SLC25A39: variants seen among roughly 807,000 people sequenced by gnomAD.
The protein encoded by SLC25A39 is mitochondrial glutathione transporter SLC25A39.
Under a neutral mutation model 46.6 loss-of-function variants are expected in SLC25A39, and 44 were observed. The ratio of observed to expected loss-of-function variants is 0.94; its 90% CI spans 0.74 to 1.21. The LOEUF (loss-of-function observed/expected upper bound fraction) is 1.21. SLC25A39 is among the 50% of genes most tolerant of loss of function. The pLI is 0.00. For synonymous variants in SLC25A39, 218 were observed against 190.6 expected, an observed-to-expected ratio of 1.14 and a Z score of -1.19; for missense variants, 487 against 473.0, an observed-to-expected ratio of 1.03 and a Z score of -0.28.
In SLC25A39 at chr17:44,319,902, GC is replaced by G. The variant is rs2047960460; in HGVS notation, c.*98del. 2 of 1,161,826 alleles carry G rather than the reference GC, an allele frequency of 1.7e-6. No homozygotes were observed. 72.0% of individuals were successfully genotyped at this position (1,161,826 alleles called of 1,614,324 possible). A position where few individuals can be genotyped will look rare whatever the true frequency, so the allele number is the denominator to read the frequency against. On this transcript the variant is annotated 3_prime_UTR_variant, in exon 12 of 12. Coordinates refer to ENST00000377095, the MANE Select transcript of SLC25A39 (RefSeq NM_001143780.3). ...TGTCGCCGGGAGGGAAGGGAAACAA[GC>G]CCCCTCCCTCAGTGCTGAGGAAAAG...
rs1022004226 is a variant in SLC25A39 at position 44,321,033 on chromosome 17, C to G, written c.691+25G>C. 4 of 1,561,452 alleles carry G rather than the reference C, an allele frequency of 2.6e-6. No individual in the cohort carries two copies. In the African/African-American group the frequency reaches 5.5e-5, roughly 21 times the overall value. On this transcript the variant is annotated intron_variant, in intron 8 of 11. Coordinates refer to ENST00000377095, the MANE Select transcript of SLC25A39 (RefSeq NM_001143780.3). ...TGCATCACCCCAGGGTTCCCTCACC[C>G]ACCCCCTGCAGCTTGGGTGCCTACC...
In SLC25A39 at chr17:44,324,105, T is replaced by G. The variant is rs563679053; in HGVS notation, c.-15-528A>C. 504 of 160,014 alleles carry G rather than the reference T, an allele frequency of 3.1e-3. 4 individuals carry two copies. The highest frequency in any genetic ancestry group is 3.2e-3 in the Non-Finnish European group (232 of 72,712). The allele number at this position is 160,014 out of a possible 1,614,324, so 9.9% of individuals were successfully genotyped here. On this transcript the variant is annotated intron_variant, in intron 1 of 11. Coordinates refer to ENST00000377095, the MANE Select transcript of SLC25A39 (RefSeq NM_001143780.3). ...CTGCCCAAGGTCACTCAGGAGTGGT[T>G]CCGAAGGAAGCTAGGGTGCCAGACC... is the stretch of plus-strand genomic sequence containing the variant.
intron 1 of SLC25A39, 88 bp from the exon 2 acceptor site, chr17:44,323,665 G>A (rs1021386243): frequency 7.6e-6 from 7 of 920,226 alleles, no homozygotes; most frequent in South Asian, 1.6e-5. Flanking sequence ...TTGAGACGGC[G>A]TCTCGCTCTG....
At position 44,322,355 on chromosome 17, in the gene SLC25A39, TGCCCA is replaced by T. The variant is rs539258659; in HGVS notation, c.324+59_324+63del. ...CCAATCCCTTTACTCCTGGGTCTGC[TGCCCA>T]GCCAGACCGAACTCCTCACGGACAC... On this transcript the variant is annotated intron_variant, in intron 5 of 11. Coordinates refer to ENST00000377095, the MANE Select transcript of SLC25A39 (RefSeq NM_001143780.3). 2.3e-4 allele frequency: 368 copies of T among 1,592,442 alleles called. 2 individuals carry two copies. The South Asian group carries it at 2.4e-3, about 10-fold the overall frequency.
intron 6 of SLC25A39, 52 bp downstream of exon 6, chr17:44,321,648 G>A (rs745793186): frequency 3.7e-6 from 6 of 1,607,380 alleles, no homozygotes; most frequent in African/African-American, 1.3e-5. Context: ...TCAACAGGGA[G>A]CAAAGGGTCA....
At chr17:44,321,580 A>G (rs1276783419) in intron 6 of SLC25A39, 22 bp from the exon 7 acceptor site, 1 of 1,613,024 alleles carries the variant, frequency 6.2e-7, no homozygotes, top group Admixed American at 1.7e-5. Context: ...GAGAGAGGTT[A>G]GCTGGGACTC....
chr17:44,321,606 C>G (rs1431302504), intron 6 of SLC25A39, 48 bp from the exon 7 acceptor site: 1 of 1,610,088 alleles, frequency 6.2e-7, no homozygotes, highest in East Asian at 2.2e-5. Context: ...AGGACCCAAA[C>G]TTTTAAAGCA....
At chr17:44,324,186 C>A (rs563145708) in intron 1 of SLC25A39, 1 of 153,196 alleles carries the variant, frequency 6.5e-6, no homozygotes, top group South Asian at 2.0e-4. Context: ...TCGCACGTGT[C>A]CACTGCGCAC....
rs754027920 is a variant in SLC25A39 at position 44,321,527 on chromosome 17, A to G, written c.424T>C (p.Phe142Leu). Residue 142 changes from phenylalanine to leucine, a missense_variant, in exon 7 of 12, where the codon TTC becomes CTC. Transcript: ENST00000377095. Reference protein sequence around the residue: ...VMTVPATAIYFTAYDQLKAFL... With the variant: ...VMTVPATAIYLTAYDQLKAFL... ...GCCTTCAGTTGGTCATAGGCAGTGA[A>G]GTAGATGGCGGTAGCTGGCACAGTC... 3.7e-6 allele frequency: 6 copies of G among 1,614,096 alleles called. No homozygotes were observed. Among genetic ancestry groups the G allele is most frequent in the East Asian group, 4.5e-5 (2 of 44,882 alleles).
At chr17:44,323,439 A>AAGCCCCCCCCCC in intron 2 of SLC25A39, 39 bp downstream of exon 2, 2 of 257,098 alleles carry the variant, frequency 7.8e-6, no homozygotes, top group Non-Finnish European at 1.1e-5. Context: ...GGTCTGCCCC[A>AAGCCCCCCCCCC]TCCCCACCCG....
Position 44,323,357 on chromosome 17 carries a change from C to A in SLC25A39, c.86-14G>T, listed in dbSNP as rs372071989. The A allele has an allele frequency of 3.7e-6, 6 of 1,607,832 alleles. No homozygotes were observed. In the South Asian group the frequency reaches 4.4e-5, roughly 12 times the overall value. Reference sequence around the variant, plus strand: ...CCAGGGGTGTCACTGGGGGAGGAAGCGGGTCTGAAGGCTCCTTTCAGGACC... The same window carrying A: ...CCAGGGGTGTCACTGGGGGAGGAAGAGGGTCTGAAGGCTCCTTTCAGGACC... On this transcript the variant is annotated splice_polypyrimidine_tract_variant and intron_variant, in intron 2 of 11. Transcript: ENST00000377095.
chr17:44,320,071 A>C lies in SLC25A39; in HGVS notation c.1010T>G (p.Met337Arg). ...TTTGCCGAACTCATAGGTGCTGATCATGATGGCACAGGAGGGGGCAGCCTT... is the reference window on the plus strand; with the variant it reads ...TTTGCCGAACTCATAGGTGCTGATCCTGATGGCACAGGAGGGGGCAGCCTT... ...IIKAAPSCAIMISTYEFGKSF... is the reference protein window; with the variant it reads ...IIKAAPSCAIRISTYEFGKSF... Residue 337 changes from methionine (M) to arginine (R), a missense_variant, in exon 12 of 12, where the codon ATG becomes AGG. Physicochemically the swap from Met to Arg is moderately conservative, Grantham distance 91 (BLOSUM62 -1). Transcript: ENST00000377095. 6.2e-7 allele frequency: 1 copy of C among 1,614,086 alleles called. No individual in the cohort carries two copies. Among genetic ancestry groups the C allele is most frequent in the South Asian group, 1.1e-5 (1 of 91,078 alleles).
chr17:44,320,550 G>A (rs531119889), intron 9 of SLC25A39, 72 bp downstream of exon 9: 3 of 1,575,758 alleles, frequency 1.9e-6, no homozygotes, highest in East Asian at 2.2e-5. Context: ...CTGCTTCTGG[G>A]CATCTCCAAA....
rs966273536 is a variant in SLC25A39 at position 44,324,709 on chromosome 17, A to C, written c.-16+2T>G. ...CCCCAGCCCCGGCCCAGTGCCGCCT[A>C]CCTGGCTCTAGGCTGGTGCTCGTGC... On this transcript the variant is annotated splice_donor_variant, in intron 1 of 11. Coordinates refer to ENST00000377095, the MANE Select transcript of SLC25A39 (RefSeq NM_001143780.3). LOFTEE classifies it low-confidence loss of function (5UTR_SPLICE). The C allele has an allele frequency of 1.3e-5, 2 of 152,314 alleles. No homozygotes were observed. Among genetic ancestry groups the C allele is most frequent in the East Asian group, 3.9e-4 (2 of 5,164 alleles). The allele number at this position is 152,314 out of a possible 1,614,324, so 9.4% of individuals were successfully genotyped here. A position where few individuals can be genotyped will look rare whatever the true frequency, so the allele number is the denominator to read the frequency against.
At chr17:44,323,820 T>C (rs900310373) in intron 1 of SLC25A39, 2 of 508,398 alleles carry the variant, frequency 3.9e-6, no homozygotes, top group Non-Finnish European at 7.0e-6. Context: ...TTTTGCATTT[T>C]TAGTAGAGAC....
chr17:44,320,204 A>T lies in SLC25A39; in HGVS notation c.956T>A (p.Leu319His). 6.2e-7 allele frequency: 1 copy of T among 1,613,936 alleles called. No individual in the cohort carries two copies. The highest frequency in any genetic ancestry group is 2.2e-5 in the East Asian group (1 of 44,874). Reference sequence around the variant, plus strand: ...GACACCCACACACTGACCTGCAAAGAGTCCCTTGGTGCCCGACTCGGCCCG... The same window carrying T: ...GACACCCACACACTGACCTGCAAAGTGTCCCTTGGTGCCCGACTCGGCCCG... ...RIRAESGTKG[L>H]FAGFLPRIIK... Residue 319 changes from leucine to histidine, a missense_variant, in exon 11 of 12, where the codon CTC becomes CAC. Transcript: ENST00000377095.
Position 44,323,806 on chromosome 17 carries a change from T to C in SLC25A39, c.-15-229A>G. Reference sequence around the variant, plus strand: ...ACAGGCGCGCACCACCACGCCTAGTTAATTTTTGCATTTTTAGTAGAGACA... The same window carrying C: ...ACAGGCGCGCACCACCACGCCTAGTCAATTTTTGCATTTTTAGTAGAGACA... On this transcript the variant is annotated intron_variant, in intron 1 of 11. Transcript: ENST00000377095. 4 of 533,132 alleles carry C rather than the reference T, an allele frequency of 7.5e-6. No individual in the cohort carries two copies. In the South Asian group the frequency reaches 9.7e-5, roughly 13 times the overall value. 33.0% of individuals were successfully genotyped at this position (533,132 alleles called of 1,614,324 possible).
In SLC25A39 at chr17:44,322,792, G is replaced by A; in HGVS notation, c.190+16C>T. On this transcript the variant is annotated intron_variant, in intron 4 of 11. Transcript: ENST00000377095. ...CCTTGCACCCTCCCATGCTCCCTGT[G>A]GCTTGGGGCACTCACATTTGGTATA... 1 of 1,613,966 alleles carries A rather than the reference G, an allele frequency of 6.2e-7. No individual in the cohort carries two copies. The highest frequency in any genetic ancestry group is 8.5e-7 in the Non-Finnish European group (1 of 1,179,952).
rs2048114832 is a variant in SLC25A39 at position 44,323,324 on chromosome 17, C to T, written c.105G>A (p.Val35=). 1.2e-6 allele frequency: 2 copies of T among 1,612,730 alleles called. No individual in the cohort carries two copies. The highest frequency in any genetic ancestry group is 1.7e-6 in the Non-Finnish European group (2 of 1,179,448). The change falls in exon 3 of 12, where the codon GTG becomes GTA. Residue 35 remains valine (V), a synonymous_variant. Coordinates refer to ENST00000377095, the MANE Select transcript of SLC25A39 (RefSeq NM_001143780.3). ...TSLFMTPLDV[V]KVRLQSQRPS... The stretch of plus-strand genomic sequence containing the variant: ...GCCGCTGAGACTGCAGGCGAACCTT[C>T]ACCACGTCCAGGGGTGTCACTGGGG...
Sources: allele counts gnomAD v4.1 joint callset, GRCh38; gene constraint gnomAD v4.1.1; transcripts MANE v1.5; gene names NCBI Gene and HGNC (gene_info 2026-07-23, HGNC 2026-07-21).